The following CPZ variants were observed in gnomAD, a reference collection of about 807,000 sequenced individuals.
CPZ encodes VEZT/CPZ fusion.
In CPZ, 103 loss-of-function variants were observed where a neutral mutation model predicts 61.8. The observed-to-expected ratio is 1.67, with a 90% confidence interval of 1.42 to 1.96. CPZ has a LOEUF of 1.96. CPZ is among the 30% of genes most tolerant of loss of function. The pLI, the probability that CPZ is intolerant of heterozygous loss-of-function variation, is 0.00. For synonymous variants in CPZ, 551 were observed against 373.7 expected, an observed-to-expected ratio of 1.47 and a Z score of -5.47; for missense variants, 1,461 against 914.9, an observed-to-expected ratio of 1.60 and a Z score of -7.70.
chr4:8,611,991 G>C, intron 7 of CPZ, 36 bp from the exon 8 acceptor site: 1 of 1,613,346 alleles, frequency 6.2e-7, no homozygotes, highest in Non-Finnish European at 8.5e-7. Context: ...TCCTGCAGGG[G>C]ACCCTTTCCT....
At chr4:8,599,179 C>G (rs112151240) in intron 1 of CPZ, among the ~76,000 whole-genome samples, 1 of 152,230 alleles carries the variant, frequency 6.6e-6, no homozygotes, top group African/African-American at 2.4e-5. Flanking sequence ...GGCCCAGCCC[C>G]GGGCTTCGAG....
rs758229378 is a variant in CPZ at position 8,619,539 on chromosome 4, C to T, written c.1881C>T (p.Ala627=). ...DPLRARRQPS[A]DGSKPWWWSY... is the part of the protein sequence containing the mutation. Reference sequence around the variant, plus strand: ...TCCGGGCGCGCAGGCAGCCCTCGGCCGACGGGAGTAAGCCCTGGTGGTGGT... The same window carrying T: ...TCCGGGCGCGCAGGCAGCCCTCGGCTGACGGGAGTAAGCCCTGGTGGTGGT... Residue 627 remains alanine, a synonymous_variant, in exon 11 of 11, where the codon GCC becomes GCT. Transcript: ENST00000360986. 18 of 1,574,416 alleles carry T rather than the reference C, an allele frequency of 1.1e-5. No homozygotes were observed. Among genetic ancestry groups the T allele is most frequent in the East Asian group, 6.8e-5 (3 of 44,410 alleles).
At chr4:8,594,849 T>G (rs1373073110) in intron 1 of CPZ, among the ~76,000 whole-genome samples, 2 of 151,832 alleles carry the variant, frequency 1.3e-5, no homozygotes, top group Non-Finnish European at 2.9e-5. Context: ...CTCAGCTCAC[T>G]GCGAGCTCCA....
chr4:8,603,915 C>CA, intron 3 of CPZ, 61 bp from the exon 4 acceptor site: 1 of 1,472,494 alleles, frequency 6.8e-7, no homozygotes, highest in Non-Finnish European at 9.5e-7. Context: ...TCAGCGTTCC[C>CA]AGGCAGTGGT....
intron 9 of CPZ, among the ~76,000 whole-genome samples, chr4:8,615,703 G>C (rs1577128927): frequency 1.3e-5 from 2 of 152,204 alleles, no homozygotes; most frequent in East Asian, 1.9e-4. Flanking sequence ...AGCCAGAGGA[G>C]GAGACAGAGG....
At position 8,619,438 on chromosome 4, in the gene CPZ, G is replaced by A; in HGVS notation, c.1780G>A (p.Gly594Arg). The change falls in exon 11 of 11, where the codon GGG (glycine) becomes AGG (arginine). Residue 594 changes from glycine (G) to arginine (R), a missense_variant. By Grantham distance (125) the Gly-to-Arg change is moderately radical. Coordinates refer to ENST00000360986, the MANE Select transcript of CPZ (RefSeq NM_001014447.3). ...GATGGGACCCAAGAACTTTATTCAT[G>A]GGCTGCGGAGGACTGGGCCCCACGA... The part of the protein sequence containing the change: ...LGMGPKNFIH[G>R]LRRTGPHDPL... The A allele has an allele frequency of 3.1e-6, 5 of 1,613,736 alleles. No homozygotes were observed. Among genetic ancestry groups the A allele is most frequent in the Non-Finnish European group, 3.4e-6 (4 of 1,179,836 alleles).
At position 8,612,553 on chromosome 4, in the gene CPZ, A is replaced by G. The variant is rs538513329; in HGVS notation, c.1363+391A>G. ...TTTAGGACAATGTAAGGATGTTCCA[A>G]TGCGTGGGATATGCTTACAAGAACC... On this transcript the variant is annotated intron_variant, in intron 8 of 10. Transcript: ENST00000360986. 2.0e-5 allele frequency among the ~76,000 whole-genome samples: 3 copies of G among 152,334 alleles called. No homozygotes were observed. In the East Asian group the frequency reaches 5.8e-4, roughly 29 times the overall value.
At chr4:8,609,450 G>T (rs1289931348) in intron 7 of CPZ, among the ~76,000 whole-genome samples, 5 of 152,234 alleles carry the variant, frequency 3.3e-5, no homozygotes, top group Admixed American at 1.3e-4. Flanking sequence ...GACTCTTGCA[G>T]GTAGTGCACA....
Position 8,618,524 on chromosome 4 carries a change from C to T in CPZ, c.1599C>T (p.Thr533=). ...ISVKGIRHDI[T]TAPDGDYWRL... The stretch of plus-strand genomic sequence containing the variant: ...TCAAAGGCATTCGCCACGACATCAC[C>T]ACAGGTGAGCACGTCCCTGGCTGTC... The change falls in exon 10 of 11, where the codon ACC becomes ACT. Residue 533 remains threonine (T), a synonymous_variant. Coordinates refer to ENST00000360986, the MANE Select transcript of CPZ (RefSeq NM_001014447.3). 1 of 1,613,372 alleles carries T rather than the reference C, an allele frequency of 6.2e-7. No individual in the cohort carries two copies. The highest frequency in any genetic ancestry group is 8.5e-7 in the Non-Finnish European group (1 of 1,179,954).
At chr4:8,593,185 G>T (rs532489475) in intron 1 of CPZ, among the ~76,000 whole-genome samples, 1 of 152,216 alleles carries the variant, frequency 6.6e-6, no homozygotes, top group African/African-American at 2.4e-5. Context: ...GGGCCGGGGG[G>T]TGAGATCTTT....
chr4:8,593,160 A>AG (rs1208146094), intron 1 of CPZ, among the ~76,000 whole-genome samples: 1 of 152,062 alleles, frequency 6.6e-6, no homozygotes, highest in African/African-American at 2.4e-5. Flanking sequence ...CAGGCAGCAG[A>AG]GGGTCACCAC....
At chr4:8,616,495 G>A (rs1716176183) in intron 9 of CPZ, among the ~76,000 whole-genome samples, 1 of 152,242 alleles carries the variant, frequency 6.6e-6, no homozygotes, top group Non-Finnish European at 1.5e-5. Flanking sequence ...AGGGCTGGCA[G>A]AGAGGAAGAC....
intron 9 of CPZ, among the ~76,000 whole-genome samples, chr4:8,616,578 G>C (rs1310805782): frequency 6.6e-6 from 1 of 152,122 alleles, no homozygotes; most frequent in Non-Finnish European, 1.5e-5. Flanking sequence ...AGGAGGAGGA[G>C]TGTGAGCTGT....
At position 8,604,191 on chromosome 4, in the gene CPZ, G is replaced by A. The variant is rs1314618446; in HGVS notation, c.709+3G>A. 6.5e-7 allele frequency: 1 copy of A among 1,542,702 alleles called. No homozygotes were observed. Among genetic ancestry groups the A allele is most frequent in the Non-Finnish European group, 8.8e-7 (1 of 1,140,620 alleles). On this transcript the variant is annotated splice_donor_region_variant and intron_variant, in intron 4 of 10. Transcript: ENST00000360986. ...CCGCCCCGGCCAGCACGAGCTGAGT[G>A]AGTGCCCTTGGGAGAGCCTGGCCTG...
chr4:8,616,205 C>G (rs962905679), intron 9 of CPZ, among the ~76,000 whole-genome samples: 7 of 152,304 alleles, frequency 4.6e-5, no homozygotes, highest in African/African-American at 1.7e-4. Flanking sequence ...AAGGATCAAG[C>G]CTGTCGTGGC....
intron 8 of CPZ, among the ~76,000 whole-genome samples, chr4:8,613,133 C>T (rs1207864355): frequency 3.3e-4 from 45 of 134,712 alleles, no homozygotes; most frequent in Non-Finnish European, 6.1e-4. Context: ...CTCTCTGTTC[C>T]TTTTTTTTTT....
At chr4:8,594,531 C>T (rs535193132) in intron 1 of CPZ, among the ~76,000 whole-genome samples, 60 of 152,328 alleles carry the variant, frequency 3.9e-4, no homozygotes, top group African/African-American at 1.4e-3. Context: ...ATTCAGGTCT[C>T]ATCCCTGACC....
rs199625164 is a variant in CPZ at position 8,618,474 on chromosome 4, C to A, written c.1549C>A (p.Pro517Thr). ...KGVVTDKFGK[P>T]VKNARISVKG... Reference sequence around the variant, plus strand: ...TGTGGTGACAGATAAATTCGGCAAGCCAGTCAAAAACGCCCGGATCTCAGT... The same window carrying A: ...TGTGGTGACAGATAAATTCGGCAAGACAGTCAAAAACGCCCGGATCTCAGT... Residue 517 changes from proline (P) to threonine (T), a missense_variant, in exon 10 of 11, where the codon CCA becomes ACA. Transcript: ENST00000360986. The A allele has an allele frequency of 5.2e-5, 84 of 1,614,062 alleles. No homozygotes were observed. The highest frequency in any genetic ancestry group is 1.6e-4 in the Middle Eastern group (1 of 6,084).
chr4:8,610,356 G>T (rs1079482), intron 7 of CPZ, among the ~76,000 whole-genome samples: 63,071 of 152,076 alleles, frequency 0.41, 14,034 homozygotes, highest in Admixed American at 0.56. Flanking sequence ...AGGGTTTTGG[G>T]GACTGGTGGT....
Sources: gnomAD v4.1 joint callset for allele counts (sites outside exome capture counted in the v4.1 genomes callset) on GRCh38, gnomAD v4.1.1 for gene constraint, MANE v1.5 for transcripts, NCBI Gene and HGNC (gene_info 2026-07-23, HGNC 2026-07-21) for gene names.